The following IL20RB variants were observed in gnomAD, a reference collection of about 807,000 sequenced individuals.
IL20RB encodes the protein interleukin-20 receptor subunit beta.
IL20RB carries 21 observed loss-of-function variants against 33.3 expected under a neutral mutation model. The observed-to-expected ratio is 0.63, with a 90% CI of 0.45 to 0.91. IL20RB has a LOEUF of 0.91. Ranked by LOEUF, IL20RB falls within the 40% of genes least tolerant of loss-of-function variation. IL20RB has a pLI of 0.00. For missense variants in IL20RB, 345 were observed against 384.8 expected (o/e 0.90, Z 0.86); for synonymous variants, 147 against 146.8 (o/e 1.00, Z -0.01).
chr3:137,009,662 C>T (rs1933032051), intron 6 of IL20RB, among the ~76,000 whole-genome samples: 1 of 152,064 alleles, frequency 6.6e-6, no homozygotes, highest in African/African-American at 2.4e-5. Flanking sequence ...GCCTCAGCCT[C>T]ACGAGTAGCT....
intron 1 of IL20RB, among the ~76,000 whole-genome samples, chr3:136,961,273 G>T (rs944839002): frequency 6.6e-6 from 1 of 152,146 alleles, no homozygotes; most frequent in Non-Finnish European, 1.5e-5. Context: ...CTAAGAGCCT[G>T]CTGGGAAGTA....
intron 6 of IL20RB, among the ~76,000 whole-genome samples, chr3:137,006,994 C>G (rs969212384): frequency 2.0e-5 from 3 of 152,192 alleles, no homozygotes; most frequent in Non-Finnish European, 2.9e-5. Context: ...CTCTTCCTTT[C>G]TGTTTGTTAG....
At chr3:136,973,095 C>T (rs1056096349) in intron 1 of IL20RB, among the ~76,000 whole-genome samples, 2 of 152,092 alleles carry the variant, frequency 1.3e-5, no homozygotes, top group African/African-American at 4.8e-5. Context: ...TGTACTTAAA[C>T]TGGACTTTAC....
intron 6 of IL20RB, among the ~76,000 whole-genome samples, chr3:137,000,523 A>G (rs1266902514): frequency 6.6e-6 from 1 of 152,248 alleles, no homozygotes; most frequent in Admixed American, 6.5e-5. Flanking sequence ...TCTTCCAAGC[A>G]TGAACTTTTA....
At chr3:136,992,776 G>A (rs1383431300) in intron 5 of IL20RB, among the ~76,000 whole-genome samples, 7 of 151,408 alleles carry the variant, frequency 4.6e-5, no homozygotes, top group Admixed American at 4.6e-4. Flanking sequence ...AATTTATTTT[G>A]TTTCATATGT....
chr3:137,004,601 C>T (rs544657423), intron 6 of IL20RB, among the ~76,000 whole-genome samples: 41 of 152,222 alleles, frequency 2.7e-4, no homozygotes, highest in African/African-American at 9.4e-4. Flanking sequence ...TCTGTGGGAT[C>T]GGTGGTGATA....
At chr3:136,986,700 C>G in intron 3 of IL20RB, 2 of 456,764 alleles carry the variant, frequency 4.4e-6, no homozygotes, top group South Asian at 3.1e-5. Context: ...GTAGGAACTG[C>G]CTTTCTTCTG....
At chr3:136,976,303 A>G (rs1941616716) in intron 1 of IL20RB, among the ~76,000 whole-genome samples, 1 of 152,118 alleles carries the variant, frequency 6.6e-6, no homozygotes. Flanking sequence ...GGTCAGGGCA[A>G]TCCTCAGGTC....
At chr3:136,961,472 T>C (rs895654395) in intron 1 of IL20RB, among the ~76,000 whole-genome samples, 5 of 151,598 alleles carry the variant, frequency 3.3e-5, no homozygotes, top group African/African-American at 1.2e-4. Context: ...TGTCTGGATG[T>C]TGGGACTTTT....
At chr3:136,964,361 T>C (rs1421890959) in intron 1 of IL20RB, among the ~76,000 whole-genome samples, 1 of 104,974 alleles carries the variant, frequency 9.5e-6, no homozygotes, top group Non-Finnish European at 1.9e-5. Flanking sequence ...ACCTGTTGTT[T>C]CCTGACTTTT....
intron 5 of IL20RB, among the ~76,000 whole-genome samples, chr3:136,992,689 A>G (rs1380777985): frequency 6.6e-6 from 1 of 152,190 alleles, no homozygotes; most frequent in African/African-American, 2.4e-5. Context: ...CTTTAAAAAT[A>G]GAACTATTTT....
intron 3 of IL20RB, among the ~76,000 whole-genome samples, chr3:136,987,237 C>T (rs541931835): frequency 4.0e-4 from 61 of 152,010 alleles, no homozygotes; most frequent in African/African-American, 1.4e-3. Context: ...GGCGCTGATT[C>T]GTGCGTTTAC....
At chr3:136,991,020 G>T (rs1239445178) in intron 4 of IL20RB, among the ~76,000 whole-genome samples, 2 of 152,240 alleles carry the variant, frequency 1.3e-5, no homozygotes, top group Non-Finnish European at 2.9e-5. Context: ...TGTACCCTGA[G>T]TCATCTAGGC....
chr3:137,004,478 C>A (rs1440995678), intron 6 of IL20RB, among the ~76,000 whole-genome samples: 1 of 152,158 alleles, frequency 6.6e-6, no homozygotes, highest in Non-Finnish European at 1.5e-5. Flanking sequence ...TCAACTTCTT[C>A]CTGGTTTAGT....
intron 6 of IL20RB, among the ~76,000 whole-genome samples, chr3:137,007,988 C>A (rs574617181): frequency 8.2e-4 from 125 of 152,230 alleles, no homozygotes; most frequent in Admixed American, 9.8e-4. Context: ...TAATTCTGCC[C>A]AGTATATAGT....
intron 1 of IL20RB, among the ~76,000 whole-genome samples, chr3:136,960,489 C>A (rs964475547): frequency 6.6e-6 from 1 of 152,102 alleles, no homozygotes; most frequent in Non-Finnish European, 1.5e-5. Context: ...CCTGTCCCTC[C>A]CAAATAATAG....
Position 137,010,295 on chromosome 3 carries a change from T to G in IL20RB, c.*72T>G, listed in dbSNP as rs2107729440. On this transcript the variant is annotated 3_prime_UTR_variant, in exon 7 of 7. Transcript: ENST00000329582. ...ATGGAAACCATGAGGGGACAAGTTG[T>G]GTTTCTGTTTTCCGCCACGGACAAG... is the stretch of plus-strand genomic sequence containing the variant. 2.6e-6 allele frequency: 2 copies of G among 778,938 alleles called. No homozygotes were observed. Among genetic ancestry groups the G allele is most frequent in the Middle Eastern group, 2.3e-4 (1 of 4,324 alleles). 48.3% of individuals were successfully genotyped at this position (778,938 alleles called of 1,614,324 possible).
At chr3:136,971,620 C>G (rs886719036) in intron 1 of IL20RB, among the ~76,000 whole-genome samples, 3 of 152,180 alleles carry the variant, frequency 2.0e-5, no homozygotes, top group African/African-American at 7.2e-5. Context: ...GCTTATTTCA[C>G]TTAAGATACA....
chr3:136,984,174 C>T (rs565534930), intron 3 of IL20RB, among the ~76,000 whole-genome samples: 66 of 152,166 alleles, frequency 4.3e-4, no homozygotes, highest in Non-Finnish European at 6.9e-4. Context: ...TGGAAGTAGA[C>T]GAGACTGTTT....
Sources: allele counts gnomAD v4.1 joint callset (sites outside exome capture counted in the v4.1 genomes callset), GRCh38; gene constraint gnomAD v4.1.1; transcripts MANE v1.5; gene names NCBI Gene and HGNC (gene_info 2026-07-23, HGNC 2026-07-21).